The following SCCPDH variants were observed in gnomAD, a reference collection of about 807,000 sequenced individuals.
The protein encoded by SCCPDH is saccharopine dehydrogenase-like oxidoreductase.
In SCCPDH, 34 loss-of-function variants were observed where a neutral mutation model predicts 51.5. That is an observed-to-expected ratio of 0.66 (90% CI 0.50 to 0.88). The LOEUF (loss-of-function observed/expected upper bound fraction) is 0.88, where lower values mean the gene tolerates loss of function less well. SCCPDH is among the 40% of genes least tolerant of loss of function. The pLI, the probability that SCCPDH is intolerant of heterozygous loss-of-function variation, is 0.00. For missense variants in SCCPDH, 464 were observed against 527.1 expected (o/e 0.88, Z 1.17); for synonymous variants, 187 against 191.3 (o/e 0.98, Z 0.19).
chr1:246,730,991 C>T (rs1369043236), intron 2 of SCCPDH, among the ~76,000 whole-genome samples: 4 of 152,084 alleles, frequency 2.6e-5, no homozygotes, highest in African/African-American at 7.2e-5. Context: ...ATCCGGGAGG[C>T]GGAGGTTACA....
At chr1:246,766,170 C>CT in intron 11 of SCCPDH, 31 bp downstream of exon 11, 1 of 1,429,180 alleles carries the variant, frequency 7.0e-7, no homozygotes, top group Non-Finnish European at 9.8e-7. Flanking sequence ...ATTAGAAGAT[C>CT]TTTTTTATCT....
At chr1:246,746,454 G>A (rs932176374) in intron 5 of SCCPDH, among the ~76,000 whole-genome samples, 1 of 152,192 alleles carries the variant, frequency 6.6e-6, no homozygotes, top group Non-Finnish European at 1.5e-5. Context: ...TCTGCCTGTG[G>A]ATTTCATTTC....
intron 5 of SCCPDH, among the ~76,000 whole-genome samples, chr1:246,745,493 G>A (rs1344400193): frequency 6.6e-6 from 1 of 152,190 alleles, no homozygotes; most frequent in African/African-American, 2.4e-5. Flanking sequence ...ATGAAATACT[G>A]TAGGATTCTA....
At chr1:246,743,161 G>A (rs945271200) in intron 4 of SCCPDH, among the ~76,000 whole-genome samples, 44 of 152,132 alleles carry the variant, frequency 2.9e-4, no homozygotes, top group African/African-American at 1.4e-4. Flanking sequence ...GTGCAGTGGC[G>A]TGATCATGGC....
chr1:246,748,967 G>C (rs1285501501), intron 5 of SCCPDH, among the ~76,000 whole-genome samples: 1 of 152,228 alleles, frequency 6.6e-6, no homozygotes, highest in Non-Finnish European at 1.5e-5. Context: ...ACTGCACCCT[G>C]TTAAGTCTCC....
chr1:246,753,213 C>T (rs1257541824), intron 5 of SCCPDH, among the ~76,000 whole-genome samples: 1 of 151,992 alleles, frequency 6.6e-6, no homozygotes, highest in Non-Finnish European at 1.5e-5. Flanking sequence ...CAGGTTCTGG[C>T]CCCCTGGGTA....
chr1:246,728,447 C>T (rs1668435736), intron 2 of SCCPDH, among the ~76,000 whole-genome samples: 1 of 152,112 alleles, frequency 6.6e-6, no homozygotes, highest in Non-Finnish European at 1.5e-5. Context: ...TCTGCCTGCT[C>T]TTCACCTGAA....
intron 5 of SCCPDH, among the ~76,000 whole-genome samples, chr1:246,745,705 G>T (rs904170725): frequency 6.6e-6 from 1 of 152,196 alleles, no homozygotes; most frequent in Non-Finnish European, 1.5e-5. Flanking sequence ...TCAGATTAAC[G>T]TAAAGAGGTA....
chr1:246,760,462 T>C (rs970148126), intron 9 of SCCPDH, among the ~76,000 whole-genome samples: 1 of 152,172 alleles, frequency 6.6e-6, no homozygotes, highest in Non-Finnish European at 1.5e-5. Context: ...TTTCTCCAGG[T>C]AGTACATGGC....
chr1:246,757,779 A>G (rs1391065861), intron 5 of SCCPDH, among the ~76,000 whole-genome samples: 1 of 152,184 alleles, frequency 6.6e-6, no homozygotes, highest in Non-Finnish European at 1.5e-5. Flanking sequence ...GATGGACAGT[A>G]CACAGTGTAT....
intron 9 of SCCPDH, among the ~76,000 whole-genome samples, chr1:246,763,719 G>A (rs972243543): frequency 6.6e-5 from 10 of 152,058 alleles, no homozygotes; most frequent in Admixed American, 2.6e-4. Context: ...GGCCTCAATG[G>A]TATCTGACCC....
intron 6 of SCCPDH, among the ~76,000 whole-genome samples, chr1:246,758,670 T>C (rs1296687476): frequency 6.6e-6 from 1 of 152,254 alleles, no homozygotes; most frequent in East Asian, 1.9e-4. Flanking sequence ...GACTTTTCAC[T>C]ATCAATATAG....
At chr1:246,731,524 A>G (rs1331541703) in intron 2 of SCCPDH, among the ~76,000 whole-genome samples, 1 of 152,188 alleles carries the variant, frequency 6.6e-6, no homozygotes, top group Non-Finnish European at 1.5e-5. Flanking sequence ...GCCCAGCAGA[A>G]TGAAGGGAGG....
intron 1 of SCCPDH, among the ~76,000 whole-genome samples, chr1:246,726,691 G>A (rs1488073520): frequency 1.3e-5 from 2 of 152,120 alleles, no homozygotes; most frequent in Admixed American, 1.3e-4. Context: ...AACTCTTAGT[G>A]TTAACTCAGT....
At chr1:246,743,343 C>G (rs1269822456) in intron 4 of SCCPDH, among the ~76,000 whole-genome samples, 1 of 151,706 alleles carries the variant, frequency 6.6e-6, no homozygotes, top group Non-Finnish European at 1.5e-5. Context: ...CCAGCACTTT[C>G]AGAAGCCGAG....
chr1:246,735,203 A>G (rs1280192350), intron 2 of SCCPDH, among the ~76,000 whole-genome samples: 2 of 152,222 alleles, frequency 1.3e-5, no homozygotes, highest in Non-Finnish European at 2.9e-5. Context: ...ACTTGTTAGC[A>G]TGGCACATGT....
In SCCPDH at chr1:246,759,946, C is replaced by T. The variant is rs1400978969; in HGVS notation, c.814-11C>T. The stretch of plus-strand genomic sequence containing the variant: ...GAGTAATGTTCTAACTTTGTCTTCT[C>T]CATCATCTAGGTTCAGTATGCTGCG... On this transcript the variant is annotated splice_polypyrimidine_tract_variant and intron_variant, in intron 7 of 11. Coordinates refer to ENST00000366510, the MANE Select transcript of SCCPDH (RefSeq NM_016002.3). 6.9e-6 allele frequency: 11 copies of T among 1,603,046 alleles called. No individual in the cohort carries two copies. Among genetic ancestry groups the T allele is most frequent in the Non-Finnish European group, 8.5e-6 (10 of 1,177,028 alleles).
chr1:246,740,908 C>T (rs1480920924), intron 4 of SCCPDH, among the ~76,000 whole-genome samples: 19 of 151,840 alleles, frequency 1.3e-4, no homozygotes, highest in Non-Finnish European at 1.5e-5. Flanking sequence ...TAGTAAGACT[C>T]GTCCCTAAGA....
chr1:246,745,765 A>G (rs1668748950), intron 5 of SCCPDH, among the ~76,000 whole-genome samples: 1 of 152,200 alleles, frequency 6.6e-6, no homozygotes, highest in Admixed American at 6.5e-5. Flanking sequence ...AGTAGAGTAT[A>G]AGTGTAGTAG....
Sources: allele counts gnomAD v4.1 joint callset (sites outside exome capture counted in the v4.1 genomes callset), GRCh38; gene constraint gnomAD v4.1.1; transcripts MANE v1.5; gene names NCBI Gene and HGNC (gene_info 2026-07-23, HGNC 2026-07-21).